Variants in TOMM40 observed in about 807,000 individuals in gnomAD.
The protein encoded by TOMM40 is translocase of outer mitochondrial membrane 40.
Under a neutral mutation model 38.4 loss-of-function variants are expected in TOMM40, and 9 were observed. The ratio of observed to expected loss-of-function variants is 0.23; its 90% CI spans 0.14 to 0.41. The LOEUF (loss-of-function observed/expected upper bound fraction) is 0.41, where lower values mean the gene tolerates loss of function less well. Ranked by LOEUF, TOMM40 falls within the 10% of genes least tolerant of loss-of-function variation. The pLI is 1.00. For missense variants in TOMM40, 299 were observed against 486.5 expected (o/e 0.61, Z 3.63); for synonymous variants, 184 against 210.0 (o/e 0.88, Z 1.07).
intron 5 of TOMM40, 63 bp downstream of exon 5, chr19:44,894,129 C>T (rs1316432561): frequency 3.1e-6 from 4 of 1,304,368 alleles, no homozygotes; most frequent in South Asian, 1.5e-5. Flanking sequence ...CCAGCAAATC[C>T]ACCCCATTTG....
Position 44,900,738 on chromosome 19 carries a change from G to C in TOMM40, c.652G>C (p.Val218Leu). The change falls in exon 6 of 9, where the codon GTA (valine) becomes CTA (leucine). Residue 218 changes from valine to leucine, a missense_variant. Coordinates refer to ENST00000426677, the MANE Select transcript of TOMM40 (RefSeq NM_001128917.2). The stretch of plus-strand genomic sequence containing the variant: ...CGTCATTTTGCCCACAGGAATCCTC[G>C]TAGCCCACTACCTCCAGAGCATCAC... Reference protein sequence around the residue: ...PDVLVGSGILVAHYLQSITPC... With the variant: ...PDVLVGSGILLAHYLQSITPC... 6.2e-7 allele frequency: 1 copy of C among 1,612,360 alleles called. No homozygotes were observed. The highest frequency in any genetic ancestry group is 8.5e-7 in the Non-Finnish European group (1 of 1,179,868).
At chr19:44,894,880 C>T (rs1192472207) in intron 5 of TOMM40, among the ~76,000 whole-genome samples, 1 of 152,208 alleles carries the variant, frequency 6.6e-6, no homozygotes, top group East Asian at 1.9e-4. Flanking sequence ...CATAGCTTCT[C>T]ACAGGACCCT....
chr19:44,898,704 A>AT (rs1969618737), intron 5 of TOMM40, among the ~76,000 whole-genome samples: 1 of 151,054 alleles, frequency 6.6e-6, no homozygotes, highest in East Asian at 2.0e-4. Context: ...CACTCAGCTA[A>AT]TGTTTGTATT....
intron 2 of TOMM40, 84 bp downstream of exon 2, chr19:44,892,544 C>G (rs959570805): frequency 1.4e-5 from 18 of 1,300,164 alleles, no homozygotes; most frequent in Admixed American, 1.7e-5. Context: ...CCAATTACTC[C>G]TCCCTCAAGA....
At chr19:44,895,293 G>C (rs1206351231) in intron 5 of TOMM40, among the ~76,000 whole-genome samples, 1 of 152,122 alleles carries the variant, frequency 6.6e-6, no homozygotes, top group East Asian at 1.9e-4. Context: ...TACCCCGGCT[G>C]GGGGACAGGA....
chr19:44,892,049 G>T (rs1053892971), intron 1 of TOMM40, among the ~76,000 whole-genome samples: 1 of 152,182 alleles, frequency 6.6e-6, no homozygotes, highest in Non-Finnish European at 1.5e-5. Context: ...CCGGATCCCA[G>T]CCTGGAGCAA....
Position 44,891,498 on chromosome 19 carries a change from C to G in TOMM40, c.83C>G (p.Pro28Arg), listed in dbSNP as rs1200478113. 1 of 1,386,920 alleles carries G rather than the reference C, an allele frequency of 7.2e-7. No individual in the cohort carries two copies. Among genetic ancestry groups the G allele is most frequent in the East Asian group, 3.1e-5 (1 of 32,590 alleles). 85.9% of individuals were successfully genotyped at this position (1,386,920 alleles called of 1,614,324 possible). A position where few individuals can be genotyped will look rare whatever the true frequency, so the allele number is the denominator to read the frequency against. Residue 28 changes from proline (P) to arginine (R), a missense_variant, in exon 1 of 9, where the codon CCT becomes CGT. Physicochemically the swap from Pro to Arg is moderately radical, Grantham distance 103. Transcript: ENST00000426677. ...CCGGCCCTCGTGGGGCTGCCGCCAC[C>G]TCCGCCCTCGCCGCCGGGCTTCACG... ...PAPALVGLPP[P>R]PPSPPGFTLP...
chr19:44,896,159 G>A (rs375335148), intron 5 of TOMM40, among the ~76,000 whole-genome samples: 3 of 152,286 alleles, frequency 2.0e-5, no homozygotes, highest in African/African-American at 7.2e-5. Context: ...GCCTCCTGGA[G>A]CCCAGGGCCA....
chr19:44,898,523 T>G (rs992270117), intron 5 of TOMM40, among the ~76,000 whole-genome samples: 10 of 139,100 alleles, frequency 7.2e-5, no homozygotes, highest in Non-Finnish European at 1.1e-4. Context: ...TTTTTTTTTT[T>G]TCTTTTTTTT....
intron 5 of TOMM40, among the ~76,000 whole-genome samples, chr19:44,896,712 G>A (rs954153545): frequency 6.6e-6 from 1 of 152,152 alleles, no homozygotes; most frequent in African/African-American, 2.4e-5. Context: ...TGTGTGCCCA[G>A]CCCTGGGCTG....
Position 44,893,764 on chromosome 19 carries a change from T to C in TOMM40, c.436-16T>C, listed in dbSNP as rs375619852. ...GTGCACCACCTCTGACCCCTTCCGT[T>C]CTCTCTGCCTCACAGGCGTTCCCTG... is the stretch of plus-strand genomic sequence containing the variant. On this transcript the variant is annotated splice_polypyrimidine_tract_variant and intron_variant, in intron 3 of 8. Coordinates refer to ENST00000426677, the MANE Select transcript of TOMM40 (RefSeq NM_001128917.2). 53 of 1,610,196 alleles carry C rather than the reference T, an allele frequency of 3.3e-5. No individual in the cohort carries two copies. Among genetic ancestry groups the C allele is most frequent in the Non-Finnish European group, 4.4e-5 (52 of 1,178,514 alleles).
chr19:44,897,958 G>A (rs771688514), intron 5 of TOMM40, among the ~76,000 whole-genome samples: 8 of 151,984 alleles, frequency 5.3e-5, no homozygotes, highest in African/African-American at 1.2e-4. Context: ...TGGGGGGTTC[G>A]GGGATTCATT....
intron 5 of TOMM40, among the ~76,000 whole-genome samples, chr19:44,899,454 C>T (rs945053738): frequency 6.6e-6 from 1 of 152,088 alleles, no homozygotes; most frequent in Non-Finnish European, 1.5e-5. Context: ...CCACGTCCAC[C>T]CCCTTAGTAC....
In TOMM40 at chr19:44,891,554, G is replaced by A; in HGVS notation, c.139G>A (p.Gly47Ser). The A allele has an allele frequency of 1.4e-6, 2 of 1,425,568 alleles. No individual in the cohort carries two copies. The highest frequency in any genetic ancestry group is 2.5e-4 in the Middle Eastern group (1 of 3,998). The allele number at this position is 1,425,568 out of a possible 1,614,324, so 88.3% of individuals were successfully genotyped here. ...LPPLGGSLGA[G>S]TSTSRSSERT... The stretch of plus-strand genomic sequence containing the variant: ...GCCGCTGGGAGGCAGCCTGGGCGCC[G>A]GCACCAGTACGAGTCGAAGTTCGGA... The change falls in exon 1 of 9, where the codon GGC becomes AGC. Residue 47 changes from glycine to serine, a missense_variant. Physicochemically the swap from Gly to Ser is moderately conservative, Grantham distance 56. Transcript: ENST00000426677.
Position 44,903,204 on chromosome 19 carries a change from TTCCACCTCCACC to T in TOMM40, c.*45_*56del, listed in dbSNP as rs750200030. ...GCCCCCGCCTTCCACGCCCTTCCGATTCCACCTCCACCTCCACCTCCCCCTGCCACAGAGGGG... is the reference window on the plus strand; with the variant it reads ...GCCCCCGCCTTCCACGCCCTTCCGATTCCACCTCCCCCTGCCACAGAGGGG... On this transcript the variant is annotated 3_prime_UTR_variant, in exon 9 of 9. Transcript: ENST00000426677. 3.1e-5 allele frequency: 49 copies of T among 1,578,358 alleles called. No homozygotes were observed. Among genetic ancestry groups the T allele is most frequent in the Non-Finnish European group, 2.8e-5 (32 of 1,162,686 alleles).
chr19:44,901,157 G>C, intron 7 of TOMM40, 51 bp from the exon 8 acceptor site: 1 of 1,613,870 alleles, frequency 6.2e-7, no homozygotes, highest in African/African-American at 1.3e-5. Context: ...GGGCCTGGAA[G>C]TCCAGGTGGG....
At chr19:44,894,278 T>TTTTG (rs1969524541) in intron 5 of TOMM40, among the ~76,000 whole-genome samples, 1 of 150,860 alleles carries the variant, frequency 6.6e-6, no homozygotes. Flanking sequence ...TTTTTTTTTT[T>TTTTG]TGAGATGGAG....
chr19:44,898,585 G>A (rs929508001), intron 5 of TOMM40, among the ~76,000 whole-genome samples: 3 of 138,756 alleles, frequency 2.2e-5, no homozygotes, highest in East Asian at 2.2e-4. Flanking sequence ...AGGCTGGAGT[G>A]CAGTGGCACA....
rs761785339 is a variant in TOMM40, at chr19:44,900,881, G to C, written c.766+29G>C. The C allele has an allele frequency of 1.8e-5, 29 of 1,612,172 alleles. No homozygotes were observed. In the Middle Eastern group the frequency reaches 6.6e-4, roughly 37 times the overall value. On this transcript the variant is annotated intron_variant, in intron 6 of 8. Coordinates refer to ENST00000426677, the MANE Select transcript of TOMM40 (RefSeq NM_001128917.2). The stretch of plus-strand genomic sequence containing the variant: ...AGCCTGGCGCCTGGGTCCGAGGGTG[G>C]AGGGGCTGGGCCCCTGGACTCCTCC...
Sources: allele counts gnomAD v4.1 joint callset (sites outside exome capture counted in the v4.1 genomes callset), GRCh38; gene constraint gnomAD v4.1.1; transcripts MANE v1.5; gene names NCBI Gene and HGNC (gene_info 2026-07-23, HGNC 2026-07-21).